COA8: variants seen among roughly 807,000 people sequenced by gnomAD.
COA8 encodes cytochrome c oxidase assembly factor 8.
COA8 carries 20 observed loss-of-function variants against 22.0 expected under a neutral mutation model. That is an observed-to-expected ratio of 0.91 (90% CI 0.64 to 1.32). The LOEUF (loss-of-function observed/expected upper bound fraction) is 1.32, where lower values mean the gene tolerates loss of function less well. COA8 is among the 40% of genes most tolerant of loss of function. COA8 has a pLI of 0.00. For synonymous variants in COA8, 105 were observed against 79.9 expected, an observed-to-expected ratio of 1.31 and a Z score of -1.68; for missense variants, 266 against 230.0, an observed-to-expected ratio of 1.16 and a Z score of -1.01.
intron 1 of COA8, among the ~76,000 whole-genome samples, chr14:103,569,246 A>G (rs1269827710): frequency 6.6e-6 from 1 of 152,190 alleles, no homozygotes; most frequent in South Asian, 2.1e-4. Flanking sequence ...TCCTCCCCCA[A>G]GCTGCTTGTC....
chr14:103,585,650 A>C lies in COA8; in HGVS notation c.386-1624A>C, dbSNP rs1297269776. Among the ~76,000 whole-genome samples, 3 of 134,190 alleles carry C rather than the reference A, an allele frequency of 2.2e-5. No homozygotes were observed. The Admixed American group carries it at 2.5e-4, about 11-fold the overall frequency. The allele number at this position is 134,190 out of a possible 152,430, so 88.0% of individuals were successfully genotyped here. A position where few individuals can be genotyped will look rare whatever the true frequency, so the allele number is the denominator to read the frequency against. On this transcript the variant is annotated intron_variant, in intron 3 of 4. Coordinates refer to ENST00000409074, the MANE Select transcript of COA8 (RefSeq NM_001370595.2). Reference sequence around the variant, plus strand: ...GAGTGCAGTGGTGTGAACTCGGCTCACTGCAACCTCCACCTCCCGGGTTCA... The same window carrying C: ...GAGTGCAGTGGTGTGAACTCGGCTCCCTGCAACCTCCACCTCCCGGGTTCA...
chr14:103,572,975 A>G (rs768314448), intron 2 of COA8, among the ~76,000 whole-genome samples: 18 of 150,232 alleles, frequency 1.2e-4, no homozygotes, highest in Admixed American at 2.7e-4. Context: ...TGGAGATGGG[A>G]TTTCACTCTG....
intron 3 of COA8, among the ~76,000 whole-genome samples, chr14:103,575,102 A>G (rs1336869667): frequency 1.3e-5 from 2 of 152,260 alleles, no homozygotes; most frequent in African/African-American, 2.4e-5. Flanking sequence ...AGCGCATTCC[A>G]TGCTGACCTG....
chr14:103,570,317 A>G (rs1337859094), intron 1 of COA8, among the ~76,000 whole-genome samples: 1 of 152,210 alleles, frequency 6.6e-6, no homozygotes, highest in Non-Finnish European at 1.5e-5. Flanking sequence ...TTTAACCCTG[A>G]CGATGAGCAG....
At chr14:103,566,325 C>T (rs1367936897) in intron 1 of COA8, among the ~76,000 whole-genome samples, 1 of 152,032 alleles carries the variant, frequency 6.6e-6, no homozygotes, top group Non-Finnish European at 1.5e-5. Flanking sequence ...GAGGCTGAGG[C>T]GGGAGAATCG....
rs2076268265 is a variant in COA8, at chr14:103,581,668, C to T, written c.386-5606C>T. ...ATCTCCCTTACACAGTTGAGTAAAC[C>T]GAGGCACAGAAGAAAATGAAGTAGC... On this transcript the variant is annotated intron_variant, in intron 3 of 4. Coordinates refer to ENST00000409074, the MANE Select transcript of COA8 (RefSeq NM_001370595.2). The surrounding 1 kb of genome is among the most constrained non-coding windows in gnomAD (Gnocchi z 4.1). The T allele has an allele frequency of 5.0e-6, 2 of 398,602 alleles. No homozygotes were observed. Among genetic ancestry groups the T allele is most frequent in the East Asian group, 3.6e-5 (1 of 28,076 alleles). 24.7% of individuals were successfully genotyped at this position (398,602 alleles called of 1,614,324 possible).
chr14:103,583,262 T>A (rs1595147827), intron 3 of COA8, among the ~76,000 whole-genome samples: 1 of 152,092 alleles, frequency 6.6e-6, no homozygotes, highest in Admixed American at 6.6e-5. Flanking sequence ...CTTTTTGGCC[T>A]GGCGCGGTGG....
rs373908486 is a variant in COA8 at position 103,587,384 on chromosome 14, C to G, written c.476+20C>G. On this transcript the variant is annotated intron_variant, in intron 4 of 4. Coordinates refer to ENST00000409074, the MANE Select transcript of COA8 (RefSeq NM_001370595.2). ...TAACAGGTAGGTGTTTACTCTTTTC[C>G]TGAAAATTTGAATAGCACATCCAGA... 3.2e-6 allele frequency: 5 copies of G among 1,567,392 alleles called. No homozygotes were observed. The highest frequency in any genetic ancestry group is 4.4e-6 in the Non-Finnish European group (5 of 1,144,378).
In COA8 at chr14:103,571,709, T is replaced by G. The variant is rs751182351; in HGVS notation, c.210T>G (p.Phe70Leu). The G allele has an allele frequency of 6.2e-7, 1 of 1,614,216 alleles. No individual in the cohort carries two copies. Among genetic ancestry groups the G allele is most frequent in the South Asian group, 1.1e-5 (1 of 91,090 alleles). The change falls in exon 2 of 5, where the codon TTT becomes TTG. Residue 70 changes from phenylalanine to leucine, a missense_variant. Coordinates refer to ENST00000409074, the MANE Select transcript of COA8 (RefSeq NM_001370595.2). ...ATTCAAACCTTCGACCTGTTCACTTTTACATACCTGAAAATGAATCTCCAT... is the reference window on the plus strand; with the variant it reads ...ATTCAAACCTTCGACCTGTTCACTTGTACATACCTGAAAATGAATCTCCAT... ...DKYSNLRPVH[F>L]YIPENESPLE...
intron 2 of COA8, among the ~76,000 whole-genome samples, chr14:103,572,546 G>A (rs2076195463): frequency 6.6e-6 from 1 of 152,048 alleles, no homozygotes. Flanking sequence ...CCTGGCCAAC[G>A]TAGCGAAACC....
chr14:103,587,494 TTTTTTC>T, intron 4 of COA8, 130 bp downstream of exon 4: 1 of 501,200 alleles, frequency 2.0e-6, no homozygotes, highest in Non-Finnish European at 3.4e-6. Context: ...ATCAACTTTT[TTTTTTC>T]TTTTTTTCTT....
At chr14:103,564,701 T>G (rs1011579119) in intron 1 of COA8, among the ~76,000 whole-genome samples, 4 of 149,866 alleles carry the variant, frequency 2.7e-5, no homozygotes, top group Non-Finnish European at 5.9e-5. Context: ...TGCCTCAGCC[T>G]TCCGAGTAGC....
intron 3 of COA8, among the ~76,000 whole-genome samples, chr14:103,575,997 C>T (rs562315260): frequency 1.3e-5 from 2 of 151,784 alleles, no homozygotes; most frequent in Non-Finnish European, 2.9e-5. Flanking sequence ...GCCACTGTGC[C>T]TGGCCAAAAA....
chr14:103,587,484 A>G (rs2076316759), intron 4 of COA8, 120 bp downstream of exon 4: 1 of 520,180 alleles, frequency 1.9e-6, no homozygotes, highest in African/African-American at 2.0e-5. Flanking sequence ...GCAAGACTTT[A>G]TCAACTTTTT....
Position 103,563,031 on chromosome 14 carries a change from C to G in COA8, c.30C>G (p.Thr10=). Residue 10 remains threonine, a synonymous_variant, in exon 1 of 5, where the codon ACC becomes ACG. Transcript: ENST00000409074. The part of the protein sequence containing the change: MVVLRAGKK[T]FLPPLCRAFA... ...TGGTCTTGCGGGCGGGGAAGAAGAC[C>G]TTTCTCCCCCCTCTCTGCCGCGCCT... 1 of 1,551,564 alleles carries G rather than the reference C, an allele frequency of 6.4e-7. No individual in the cohort carries two copies.
In COA8 at chr14:103,574,129, C is replaced by G; in HGVS notation, c.344C>G (p.Ser115Ter). The G allele has an allele frequency of 1.2e-6, 1 of 847,824 alleles. No individual in the cohort carries two copies. The highest frequency in any genetic ancestry group is 1.8e-6 in the Non-Finnish European group (1 of 542,930). The allele number at this position is 847,824 out of a possible 1,614,324, so 52.5% of individuals were successfully genotyped here. Residue 115 changes from serine (S) to a stop codon, truncating the protein, a stop_gained, in exon 3 of 5, where the codon TCA (serine) becomes TGA (stop). Coordinates refer to ENST00000409074, the MANE Select transcript of COA8 (RefSeq NM_001370595.2). LOFTEE classifies it high-confidence loss of function. ...FSKEKEEFIHSRLKTKGLGLR... is the reference protein window; with the variant it reads ...FSKEKEEFIH The stretch of plus-strand genomic sequence containing the variant: ...AAGGAAAAAGAAGAATTTATTCACT[C>G]AAGACTAAAAACTAAAGGCCTGGGC...
chr14:103,577,004 A>G (rs184893367), intron 3 of COA8, among the ~76,000 whole-genome samples: 1 of 152,350 alleles, frequency 6.6e-6, no homozygotes, highest in East Asian at 1.9e-4. Context: ...CAGAAATAAC[A>G]CACATTTATA....
chr14:103,585,238 G>C (rs2076297213), intron 3 of COA8, among the ~76,000 whole-genome samples: 1 of 151,996 alleles, frequency 6.6e-6, no homozygotes, highest in Non-Finnish European at 1.5e-5. Flanking sequence ...CAGCACTTTG[G>C]GAGGCCAAGG....
intron 2 of COA8, among the ~76,000 whole-genome samples, chr14:103,572,985 G>T (rs1225547109): frequency 6.6e-6 from 1 of 151,588 alleles, no homozygotes; most frequent in Non-Finnish European, 1.5e-5. Flanking sequence ...ATTTCACTCT[G>T]TTGGCCAGGA....
Sources: gnomAD v4.1 joint callset for allele counts (sites outside exome capture counted in the v4.1 genomes callset) on GRCh38, gnomAD v4.1.1 for gene constraint, Gnocchi (gnomAD v3.1) non-coding constraint, MANE v1.5 for transcripts, NCBI Gene and HGNC (gene_info 2026-07-23, HGNC 2026-07-21) for gene names.